The following TBC1D32 variants were observed in gnomAD, a reference collection of about 807,000 sequenced individuals.
TBC1D32 encodes the protein protein broad-minded.
TBC1D32 carries 151 observed loss-of-function variants against 170.3 expected under a neutral mutation model. The observed-to-expected ratio is 0.89, with a 90% CI of 0.78 to 1.01. The LOEUF (loss-of-function observed/expected upper bound fraction) is 1.01. Among genes scored for constraint, TBC1D32 ranks in the 50% least tolerant of loss-of-function variants. The pLI, the probability that TBC1D32 is intolerant of heterozygous loss-of-function variation, is 0.00. For missense variants in TBC1D32, 1,464 were observed against 1,457.1 expected, an observed-to-expected ratio of 1.00 and a Z score of -0.08; for synonymous variants, 498 against 488.0, an observed-to-expected ratio of 1.02 and a Z score of -0.27.
intron 12 of TBC1D32, among the ~76,000 whole-genome samples, chr6:121,289,949 T>G (rs1040012344): frequency 6.6e-6 from 1 of 152,172 alleles, no homozygotes; most frequent in Non-Finnish European, 1.5e-5. Context: ...TAGACATATG[T>G]AGAAAGCTGA....
At chr6:121,118,854 C>T (rs1779955863) in intron 26 of TBC1D32, among the ~76,000 whole-genome samples, 2 of 152,300 alleles carry the variant, frequency 1.3e-5, no homozygotes, top group Admixed American at 1.3e-4. Context: ...GTTCTTACTA[C>T]CACAGAATTC....
At chr6:121,290,092 A>T (rs972241940) in intron 12 of TBC1D32, among the ~76,000 whole-genome samples, 1 of 152,234 alleles carries the variant, frequency 6.6e-6, no homozygotes, top group Non-Finnish European at 1.5e-5. Context: ...GGCATGGACA[A>T]GGACTTCATG....
At chr6:121,218,668 T>C (rs1305110686) in intron 21 of TBC1D32, among the ~76,000 whole-genome samples, 1 of 152,096 alleles carries the variant, frequency 6.6e-6, no homozygotes, top group Non-Finnish European at 1.5e-5. Context: ...TATATAGATA[T>C]ATATATAGAT....
chr6:121,280,080 A>G (rs1191285002), intron 14 of TBC1D32, among the ~76,000 whole-genome samples: 1 of 151,914 alleles, frequency 6.6e-6, no homozygotes, highest in Non-Finnish European at 1.5e-5. Flanking sequence ...AATTATTACT[A>G]ATCATACTGT....
At position 121,284,927 on chromosome 6, in the gene TBC1D32, T is replaced by G. The variant is rs570952552; in HGVS notation, c.1373-1017A>C. The stretch of plus-strand genomic sequence containing the variant: ...TGAGTGCTCATTATGCATAGAATTA[T>G]GTGGCACTACCATGGGAACTACAAG... On this transcript the variant is annotated intron_variant, in intron 12 of 31. Transcript: ENST00000398212. Among the ~76,000 whole-genome samples, 23 of 152,302 alleles carry G rather than the reference T, an allele frequency of 1.5e-4. No homozygotes were observed. The South Asian group carries it at 1.7e-3, about 11-fold the overall frequency.
chr6:121,301,178 T>C (rs1189125027), intron 9 of TBC1D32, among the ~76,000 whole-genome samples: 1 of 152,114 alleles, frequency 6.6e-6, no homozygotes, highest in Non-Finnish European at 1.5e-5. Context: ...GACCCAGCAA[T>C]CCCATTACCG....
chr6:121,196,778 G>A (rs1265707788), intron 22 of TBC1D32, among the ~76,000 whole-genome samples: 1 of 152,148 alleles, frequency 6.6e-6, no homozygotes, highest in Admixed American at 6.5e-5. Context: ...CAGGGCTGGG[G>A]CAAATTCTAC....
chr6:121,229,315 C>T (rs1425545746), intron 20 of TBC1D32, among the ~76,000 whole-genome samples: 1 of 152,094 alleles, frequency 6.6e-6, no homozygotes, highest in Non-Finnish European at 1.5e-5. Context: ...CTTGATATGT[C>T]ATTTAAAGTT....
At chr6:121,255,506 A>ATTTATCATTATAT (rs1798866103) in intron 16 of TBC1D32, 96 bp from the exon 17 acceptor site, 1 of 181,600 alleles carries the variant, frequency 5.5e-6, no homozygotes, top group African/African-American at 3.0e-5. Flanking sequence ...TTATAATTAT[A>ATTTATCATTATAT]TTTATAATTA....
chr6:121,282,837 T>C (rs1005040849), intron 13 of TBC1D32, among the ~76,000 whole-genome samples: 1 of 151,704 alleles, frequency 6.6e-6, no homozygotes, highest in African/African-American at 2.4e-5. Flanking sequence ...GCTGTAAGAG[T>C]GTATAGTCAG....
chr6:121,325,746 A>G (rs111566236), intron 1 of TBC1D32, among the ~76,000 whole-genome samples: 2,877 of 152,302 alleles, frequency 0.019, 103 homozygotes, highest in African/African-American at 0.066. Flanking sequence ...ACCAAAAGCA[A>G]TGGCAACAAA....
chr6:121,301,944 T>A (rs1483535259), intron 9 of TBC1D32, among the ~76,000 whole-genome samples: 1 of 152,150 alleles, frequency 6.6e-6, no homozygotes, highest in Non-Finnish European at 1.5e-5. Flanking sequence ...ATACAATTTT[T>A]AATTAAACAT....
chr6:121,180,796 C>G (rs1306712032), intron 22 of TBC1D32, among the ~76,000 whole-genome samples: 1 of 152,162 alleles, frequency 6.6e-6, no homozygotes, highest in Non-Finnish European at 1.5e-5. Context: ...GAAGAGACAA[C>G]CTGCTGAATG....
chr6:121,256,202 A>G lies in TBC1D32; in HGVS notation c.1817T>C (p.Leu606Ser). Residue 606 changes from leucine (L) to serine (S), a missense_variant, in exon 16 of 32, where the codon TTG (leucine) becomes TCG (serine). Physicochemically the swap from Leu to Ser is moderately radical, Grantham distance 145. Transcript: ENST00000398212. The part of the protein sequence containing the change: ...DISIFSGSEM[L>S]PVVKGAFISV... ...AATAAAAGCTCCTTTAACCACAGGC[A>G]ACATTTCTGATCCAGAAAATATAGA... 6.2e-7 allele frequency: 1 copy of G among 1,613,972 alleles called. No individual in the cohort carries two copies. The highest frequency in any genetic ancestry group is 8.5e-7 in the Non-Finnish European group (1 of 1,179,920).
intron 24 of TBC1D32, among the ~76,000 whole-genome samples, chr6:121,141,306 G>A (rs1782755500): frequency 6.6e-6 from 1 of 152,180 alleles, no homozygotes. Context: ...CATGGGAAGA[G>A]TAGGAATTAG....
chr6:121,255,425 A>G lies in TBC1D32; in HGVS notation c.1936-15T>C, dbSNP rs749355130. ...AGCAAACTTGTCTAAAAAATAGTAG[A>G]ATAATTTATATTGCTTACTGATAGC... On this transcript the variant is annotated splice_polypyrimidine_tract_variant and intron_variant, in intron 16 of 31. Transcript: ENST00000398212. The G allele has an allele frequency of 3.8e-6, 5 of 1,311,624 alleles. No homozygotes were observed. The highest frequency in any genetic ancestry group is 5.2e-6 in the Non-Finnish European group (5 of 961,908). 81.2% of individuals were successfully genotyped at this position (1,311,624 alleles called of 1,614,324 possible).
rs1807019334 is a variant in TBC1D32 at position 121,304,510 on chromosome 6, G to A, written c.873+12C>T. 1.2e-6 allele frequency: 2 copies of A among 1,604,062 alleles called. No individual in the cohort carries two copies. The highest frequency in any genetic ancestry group is 1.7e-6 in the Non-Finnish European group (2 of 1,173,666). On this transcript the variant is annotated intron_variant, in intron 7 of 31. Coordinates refer to ENST00000398212, the MANE Select transcript of TBC1D32 (RefSeq NM_152730.6). ...TAAATAAAAATGAAAGCATATTGTA[G>A]TAAATGGATACCTTTTTAAGTAAGC...
At chr6:121,150,377 C>G (rs1332039963) in intron 24 of TBC1D32, among the ~76,000 whole-genome samples, 2 of 152,142 alleles carry the variant, frequency 1.3e-5, no homozygotes, top group African/African-American at 2.4e-5. Flanking sequence ...AGTGGATAAG[C>G]TTTTAATATG....
chr6:121,327,849 G>T (rs1459734133), intron 1 of TBC1D32, among the ~76,000 whole-genome samples: 1 of 151,810 alleles, frequency 6.6e-6, no homozygotes, highest in Non-Finnish European at 1.5e-5. Context: ...GACCAAATAT[G>T]GTCTGCACAA....
Sources: gnomAD v4.1 joint callset for allele counts (sites outside exome capture counted in the v4.1 genomes callset) on GRCh38, gnomAD v4.1.1 for gene constraint, MANE v1.5 for transcripts, NCBI Gene and HGNC (gene_info 2026-07-23, HGNC 2026-07-21) for gene names.